TMEM151A: variants seen among roughly 807,000 people sequenced by gnomAD.
TMEM151A encodes transmembrane protein 151.
TMEM151A carries 21 observed loss-of-function variants against 33.7 expected under a neutral mutation model. That is an observed-to-expected ratio of 0.62 (90% CI 0.44 to 0.90). The LOEUF is 0.90. Ranked by LOEUF, TMEM151A falls within the 40% of genes least tolerant of loss-of-function variation. The probability of loss-of-function intolerance (pLI) is 0.00; values close to 1 mark genes in which losing one functional copy is unlikely to be tolerated. For synonymous variants in TMEM151A, 374 were observed against 330.3 expected, an observed-to-expected ratio of 1.13 and a Z score of -1.43; for missense variants, 704 against 697.7, an observed-to-expected ratio of 1.01 and a Z score of -0.10.
rs1319519109 is a variant in TMEM151A at position 66,292,458 on chromosome 11, G to C, written c.75+370G>C. Among the ~76,000 whole-genome samples the C allele has an allele frequency of 6.6e-6, 1 of 152,204 alleles. No homozygotes were observed. Among genetic ancestry groups the C allele is most frequent in the African/African-American group, 2.4e-5 (1 of 41,460 alleles). Reference sequence around the variant, plus strand: ...GGCCCAGCCGCTCACGAGGTGTCCGGGCAGCGCCTGCAATGCAGCAGCAGT... The same window carrying C: ...GGCCCAGCCGCTCACGAGGTGTCCGCGCAGCGCCTGCAATGCAGCAGCAGT... On this transcript the variant is annotated intron_variant, in intron 1 of 1. Coordinates refer to ENST00000327259, the MANE Select transcript of TMEM151A (RefSeq NM_153266.4). The surrounding 1 kb of genome is among the most constrained non-coding windows in gnomAD (Gnocchi z 4.7).
rs1005554707 is a variant in TMEM151A at position 66,294,250 on chromosome 11, G to C, written c.76-72G>C. The C allele has an allele frequency of 5.1e-6, 8 of 1,574,112 alleles. No individual in the cohort carries two copies. The Admixed American group carries it at 1.4e-4, about 28-fold the overall frequency. On this transcript the variant is annotated intron_variant, in intron 1 of 1. Transcript: ENST00000327259. ...CTCACGGTATCACCTTCCTCAGCCGGGTTAAGCAAAGTGGCAGGCCCCACT... is the reference window on the plus strand; with the variant it reads ...CTCACGGTATCACCTTCCTCAGCCGCGTTAAGCAAAGTGGCAGGCCCCACT...
intron 1 of TMEM151A, 91 bp from the exon 2 acceptor site, chr11:66,294,231 G>A: frequency 6.5e-7 from 1 of 1,547,722 alleles, no homozygotes; most frequent in Admixed American, 1.8e-5. Context: ...GGGGCTCACG[G>A]TATCACCTTC....
Position 66,296,242 on chromosome 11 carries a change from C to T in TMEM151A, c.*589C>T. ...CAGGGCCAGTCACTCCCCCCACATG[C>T]AGCTACCCCTACAACCTGGGGTTCC... On this transcript the variant is annotated 3_prime_UTR_variant, in exon 2 of 2. Transcript: ENST00000327259. 1 of 153,620 alleles carries T rather than the reference C, an allele frequency of 6.5e-6. No homozygotes were observed. The highest frequency in any genetic ancestry group is 1.5e-5 in the Non-Finnish European group (1 of 68,580). The allele number at this position is 153,620 out of a possible 1,614,324, so 9.5% of individuals were successfully genotyped here.
chr11:66,295,328 C>G lies in TMEM151A; in HGVS notation c.1082C>G (p.Ser361Trp), dbSNP rs1248936567. The G allele has an allele frequency of 1.3e-6, 2 of 1,588,250 alleles. No individual in the cohort carries two copies. The highest frequency in any genetic ancestry group is 1.7e-6 in the Non-Finnish European group (2 of 1,168,606). The change falls in exon 2 of 2, where the codon TCG (serine) becomes TGG (tryptophan). Residue 361 changes from serine to tryptophan, a missense_variant. Physicochemically the swap from Ser to Trp is radical, Grantham distance 177. Coordinates refer to ENST00000327259, the MANE Select transcript of TMEM151A (RefSeq NM_153266.4). Reference protein sequence around the residue: ...CSNRQLVPSYSEAVVMGAGSG... With the variant: ...CSNRQLVPSYWEAVVMGAGSG... ...AACCGGCAGCTGGTGCCCAGCTACT[C>G]GGAGGCCGTGGTCATGGGCGCGGGC...
In TMEM151A at chr11:66,295,647, T is replaced by C; in HGVS notation, c.1401T>C (p.Ala467=). The C allele has an allele frequency of 6.6e-7, 1 of 1,513,144 alleles. No homozygotes were observed. Among genetic ancestry groups the C allele is most frequent in the South Asian group, 1.3e-5 (1 of 79,760 alleles). 93.7% of individuals were successfully genotyped at this position (1,513,144 alleles called of 1,614,324 possible). ...GCTGCCAGGGGGATGGGCAGGGTGC[T>C]CTCTGAGACCCCCCACGGCCCCCAG... ...DSGCQGDGQG[A]L Residue 467 remains alanine (A), a synonymous_variant, in exon 2 of 2, where the codon GCT becomes GCC. Transcript: ENST00000327259.
chr11:66,295,226 G>T lies in TMEM151A; in HGVS notation c.980G>T (p.Gly327Val), dbSNP rs1160791094. The T allele has an allele frequency of 6.4e-6, 10 of 1,566,802 alleles. No individual in the cohort carries two copies. The highest frequency in any genetic ancestry group is 8.6e-6 in the Non-Finnish European group (10 of 1,156,910). The part of the protein sequence containing the change: ...KLFGASSPPP[G>V]AVPSGPPLSR... Reference sequence around the variant, plus strand: ...TTTGGCGCCAGCTCGCCCCCGCCGGGGGCCGTGCCCAGCGGGCCCCCGCTG... The same window carrying T: ...TTTGGCGCCAGCTCGCCCCCGCCGGTGGCCGTGCCCAGCGGGCCCCCGCTG... Residue 327 changes from glycine (G) to valine (V), a missense_variant, in exon 2 of 2, where the codon GGG (glycine) becomes GTG (valine). By Grantham distance (109) the Gly-to-Val change is moderately radical. Around this residue, in one of 3 missense-constraint regions of TMEM151A, gnomAD observed 398 missense variants for 356.0 expected, o/e 1.12. Transcript: ENST00000327259.
At position 66,296,524 on chromosome 11, in the gene TMEM151A, T is replaced by G. The variant is rs1590902664; in HGVS notation, c.*871T>G. 1 of 152,692 alleles carries G rather than the reference T, an allele frequency of 6.5e-6. No individual in the cohort carries two copies. The highest frequency in any genetic ancestry group is 1.5e-5 in the Non-Finnish European group (1 of 68,126). 9.5% of individuals were successfully genotyped at this position (152,692 alleles called of 1,614,324 possible). A position where few individuals can be genotyped will look rare whatever the true frequency, so the allele number is the denominator to read the frequency against. On this transcript the variant is annotated 3_prime_UTR_variant, in exon 2 of 2. Coordinates refer to ENST00000327259, the MANE Select transcript of TMEM151A (RefSeq NM_153266.4). ...CCTTGCTTCTCCCATCAACGAGTCT[T>G]GGCCCAGGGGACACTGACCCTCCCC...
Position 66,295,663 on chromosome 11 carries a change from C to T in TMEM151A, c.*10C>T, listed in dbSNP as rs780982894. On this transcript the variant is annotated 3_prime_UTR_variant, in exon 2 of 2. Transcript: ENST00000327259. The stretch of plus-strand genomic sequence containing the variant: ...GCAGGGTGCTCTCTGAGACCCCCCA[C>T]GGCCCCCAGAGTGGCCCCCTCCCCA... The T allele has an allele frequency of 4.7e-6, 7 of 1,483,344 alleles. No homozygotes were observed. Among genetic ancestry groups the T allele is most frequent in the South Asian group, 4.1e-5 (3 of 73,492 alleles). The allele number at this position is 1,483,344 out of a possible 1,614,324, so 91.9% of individuals were successfully genotyped here. A position where few individuals can be genotyped will look rare whatever the true frequency, so the allele number is the denominator to read the frequency against.
chr11:66,291,933 G>A lies in TMEM151A; in HGVS notation c.-81G>A. The A allele has an allele frequency of 3.4e-6, 4 of 1,164,176 alleles. No individual in the cohort carries two copies. Among genetic ancestry groups the A allele is most frequent in the Admixed American group, 3.5e-5 (1 of 28,462 alleles). The allele number at this position is 1,164,176 out of a possible 1,614,324, so 72.1% of individuals were successfully genotyped here. On this transcript the variant is annotated 5_prime_UTR_variant, in exon 1 of 2. Transcript: ENST00000327259. Reference sequence around the variant, plus strand: ...GCCGCTGAGCCGAGCGGACGCCCCCGGGGGCCGCGTCGCAGCCCTCCGTGC... The same window carrying A: ...GCCGCTGAGCCGAGCGGACGCCCCCAGGGGCCGCGTCGCAGCCCTCCGTGC...
rs528968497 is a variant in TMEM151A, at chr11:66,294,656, C to A, written c.410C>A (p.Ala137Glu). 5.1e-5 allele frequency: 82 copies of A among 1,603,364 alleles called. No individual in the cohort carries two copies. The highest frequency in any genetic ancestry group is 2.9e-5 in the Non-Finnish European group (34 of 1,175,574). ...APRTDAHTVL[A>E]LIRRLQQAPP... ...CGCACCGACGCCCACACGGTGCTGG[C>A]GCTGATCCGCCGGCTGCAGCAGGCG... Residue 137 changes from alanine to glutamate, a missense_variant, in exon 2 of 2, where the codon GCG becomes GAG. Physicochemically the swap from Ala to Glu is moderately radical, Grantham distance 107 (BLOSUM62 -1). Coordinates refer to ENST00000327259, the MANE Select transcript of TMEM151A (RefSeq NM_153266.4).
rs1232902923 is a variant in TMEM151A at position 66,295,921 on chromosome 11, C to A, written c.*268C>A. Reference sequence around the variant, plus strand: ...TGGCCTGAAGGCCTCTCACAAAGGGCAGGAGAAGAAGCTTCCAGAAAGGCT... The same window carrying A: ...TGGCCTGAAGGCCTCTCACAAAGGGAAGGAGAAGAAGCTTCCAGAAAGGCT... On this transcript the variant is annotated 3_prime_UTR_variant, in exon 2 of 2. Coordinates refer to ENST00000327259, the MANE Select transcript of TMEM151A (RefSeq NM_153266.4). 2.8e-6 allele frequency: 1 copy of A among 358,262 alleles called. No individual in the cohort carries two copies. Among genetic ancestry groups the A allele is most frequent in the Admixed American group, 4.7e-5 (1 of 21,228 alleles). 22.2% of individuals were successfully genotyped at this position (358,262 alleles called of 1,614,324 possible). A position where few individuals can be genotyped will look rare whatever the true frequency, so the allele number is the denominator to read the frequency against.
At chr11:66,293,115 C>T (rs1857473410) in intron 1 of TMEM151A, among the ~76,000 whole-genome samples, 1 of 151,992 alleles carries the variant, frequency 6.6e-6, no homozygotes, top group African/African-American at 2.4e-5. Flanking sequence ...GTGTGGCCCT[C>T]CACGGTGGGT....
Position 66,295,196 on chromosome 11 carries a change from A to G in TMEM151A, c.950A>G (p.Lys317Arg). 1 of 1,583,726 alleles carries G rather than the reference A, an allele frequency of 6.3e-7. No individual in the cohort carries two copies. ...GCTCACGTGCACTACCAGGTGGAGAAGCTCTTTGGCGCCAGCTCGCCCCCG... is the reference window on the plus strand; with the variant it reads ...GCTCACGTGCACTACCAGGTGGAGAGGCTCTTTGGCGCCAGCTCGCCCCCG... ...GTAHVHYQVEKLFGASSPPPG... is the reference protein window; with the variant it reads ...GTAHVHYQVERLFGASSPPPG... The change falls in exon 2 of 2, where the codon AAG (lysine) becomes AGG (arginine). Residue 317 changes from lysine to arginine, a missense_variant. Lys to Arg is a conservative substitution (Grantham distance 26). Around this residue, in one of 3 missense-constraint regions of TMEM151A, gnomAD observed 398 missense variants for 356.0 expected, o/e 1.12. Transcript: ENST00000327259.
chr11:66,294,742 A>T lies in TMEM151A; in HGVS notation c.496A>T (p.Thr166Ser), dbSNP rs1198413157. 1.9e-6 allele frequency: 3 copies of T among 1,552,764 alleles called. No homozygotes were observed. The highest frequency in any genetic ancestry group is 2.6e-6 in the Non-Finnish European group (3 of 1,149,622). The change falls in exon 2 of 2, where the codon ACG (threonine) becomes TCG (serine). Residue 166 changes from threonine to serine, a missense_variant. Thr to Ser is a moderately conservative substitution (Grantham distance 58). This residue lies in a region of TMEM151A where 301 missense variants were observed against 323.4 expected (regional missense o/e 0.93). Transcript: ENST00000327259. ...YHYVRRTRQI[T>S]RYRNGDAYTT... Reference sequence around the variant, plus strand: ...CTACGTGCGGCGCACACGCCAGATCACGCGCTACCGCAACGGCGACGCCTA... The same window carrying T: ...CTACGTGCGGCGCACACGCCAGATCTCGCGCTACCGCAACGGCGACGCCTA...
chr11:66,295,130 C>A lies in TMEM151A; in HGVS notation c.884C>A (p.Thr295Lys), dbSNP rs1350723947. The A allele has an allele frequency of 1.3e-6, 2 of 1,583,612 alleles. No individual in the cohort carries two copies. Among genetic ancestry groups the A allele is most frequent in the Non-Finnish European group, 1.7e-6 (2 of 1,170,856 alleles). The change falls in exon 2 of 2, where the codon ACG becomes AAG. Residue 295 changes from threonine (T) to lysine (K), a missense_variant. Coordinates refer to ENST00000327259, the MANE Select transcript of TMEM151A (RefSeq NM_153266.4). ...GTCTTCTGGCTCGTGTCGGCGGCCACGCTGTCGTGGCCCCTGCGCGTCGTG... is the reference window on the plus strand; with the variant it reads ...GTCTTCTGGCTCGTGTCGGCGGCCAAGCTGTCGTGGCCCCTGCGCGTCGTG... ...AWVFWLVSAA[T>K]LSWPLRVVAA...
chr11:66,294,263 G>C, intron 1 of TMEM151A, 59 bp from the exon 2 acceptor site: 2 of 1,583,318 alleles, frequency 1.3e-6, no homozygotes, highest in Non-Finnish European at 1.7e-6. Context: ...TAAGCAAAGT[G>C]GCAGGCCCCA....
In TMEM151A at chr11:66,294,864, G is replaced by A. The variant is rs1223549782; in HGVS notation, c.618G>A (p.Glu206=). 5.9e-6 allele frequency: 9 copies of A among 1,537,244 alleles called. No homozygotes were observed. Among genetic ancestry groups the A allele is most frequent in the Non-Finnish European group, 7.9e-6 (9 of 1,145,576 alleles). ...ACGGCGTCCGCGACGTCTCCAAGGA[G>A]CTGGTGGGGCTGGCGGAGCACGCGG... ...SAHGVRDVSK[E]LVGLAEHAAT... The change falls in exon 2 of 2, where the codon GAG becomes GAA. Residue 206 remains glutamate (E), a synonymous_variant. Coordinates refer to ENST00000327259, the MANE Select transcript of TMEM151A (RefSeq NM_153266.4).
rs1410195757 is a variant in TMEM151A at position 66,294,377 on chromosome 11, A to G, written c.131A>G (p.Lys44Arg). 10 of 1,611,424 alleles carry G rather than the reference A, an allele frequency of 6.2e-6. No homozygotes were observed. Among genetic ancestry groups the G allele is most frequent in the Admixed American group, 1.7e-5 (1 of 60,020 alleles). The change falls in exon 2 of 2, where the codon AAG becomes AGG. Residue 44 changes from lysine to arginine, a missense_variant. Coordinates refer to ENST00000327259, the MANE Select transcript of TMEM151A (RefSeq NM_153266.4). ...TCCCTGTGCCGCGAGTCGCACTGGA[A>G]GTGCCTGCTCCTCACGCTGCTCATC... Reference protein sequence around the residue: ...GSSLCRESHWKCLLLTLLIHA... With the variant: ...GSSLCRESHWRCLLLTLLIHA...
At chr11:66,293,630 C>T (rs1190909298) in intron 1 of TMEM151A, among the ~76,000 whole-genome samples, 1 of 152,144 alleles carries the variant, frequency 6.6e-6, no homozygotes, top group Non-Finnish European at 1.5e-5. Flanking sequence ...AAGCCTCTGC[C>T]GAGACTTCTG....
Sources: allele counts gnomAD v4.1 joint callset (sites outside exome capture counted in the v4.1 genomes callset), GRCh38; gene constraint gnomAD v4.1.1; regional missense constraint gnomAD v4.1.1; non-coding constraint Gnocchi (gnomAD v3.1); transcripts MANE v1.5; gene names NCBI Gene and HGNC (gene_info 2026-07-23, HGNC 2026-07-21).